Variants in REPS1 observed in about 807,000 individuals in gnomAD.
The protein encoded by REPS1 is ralBP1-associated Eps domain-containing protein 1.
Under a neutral mutation model 100.9 loss-of-function variants are expected in REPS1, and 39 were observed. That is an observed-to-expected ratio of 0.39 (90% CI 0.30 to 0.50). REPS1 has a LOEUF of 0.50. Ranked by LOEUF, REPS1 falls within the 20% of genes least tolerant of loss-of-function variation. The probability of loss-of-function intolerance (pLI) is 0.86; values close to 1 mark genes in which losing one functional copy is unlikely to be tolerated. For synonymous variants in REPS1, 324 were observed against 340.3 expected (o/e 0.95, Z 0.53); for missense variants, 821 against 968.5 (o/e 0.85, Z 2.02).
intron 1 of REPS1, among the ~76,000 whole-genome samples, chr6:138,977,661 T>C (rs1259680163): frequency 2.0e-5 from 3 of 152,266 alleles, no homozygotes; most frequent in Non-Finnish European, 4.4e-5. Context: ...TGATGGATAT[T>C]TGAATTGCTT....
chr6:138,987,394 C>A (rs1395859098), intron 1 of REPS1, 136 bp downstream of exon 1: 5 of 943,294 alleles, frequency 5.3e-6, no homozygotes, highest in African/African-American at 1.7e-5. Flanking sequence ...CGGGCACCTG[C>A]GGCCCCTGCC....
Position 138,943,866 on chromosome 6 carries a change from G to A in REPS1, c.903C>T (p.Asn301=), listed in dbSNP as rs139614969. ...TCAACAACTCACCTGGAATAAATCCGTTTAGATCAGGCTGAATGGTTTTAA... is the reference window on the plus strand; with the variant it reads ...TCAACAACTCACCTGGAATAAATCCATTTAGATCAGGCTGAATGGTTTTAA... The part of the protein sequence containing the change: ...NQFKTIQPDL[N]GFIPGSAAKE... The change falls in exon 6 of 20, where the codon AAC becomes AAT. Residue 301 remains asparagine, a synonymous_variant. Transcript: ENST00000450536. 2.7e-5 allele frequency: 44 copies of A among 1,612,954 alleles called. No homozygotes were observed. In the East Asian group the frequency reaches 3.1e-4, roughly 11 times the overall value.
chr6:138,912,951 C>T lies in REPS1; in HGVS notation c.1786-1G>A. On this transcript the variant is annotated splice_acceptor_variant, in intron 15 of 19. Transcript: ENST00000450536. LOFTEE classifies it high-confidence loss of function. Reference sequence around the variant, plus strand: ...GGCGATGCACAGCAGGACCAGGAGCCTGTGCAATGGTTCAGAACAGAGGAA... The same window carrying T: ...GGCGATGCACAGCAGGACCAGGAGCTTGTGCAATGGTTCAGAACAGAGGAA... 1 of 1,612,214 alleles carries T rather than the reference C, an allele frequency of 6.2e-7. No individual in the cohort carries two copies. The highest frequency in any genetic ancestry group is 8.5e-7 in the Non-Finnish European group (1 of 1,178,890).
At chr6:138,967,347 C>G (rs1163339783) in intron 1 of REPS1, among the ~76,000 whole-genome samples, 5 of 152,150 alleles carry the variant, frequency 3.3e-5, no homozygotes, top group Non-Finnish European at 5.9e-5. Context: ...AAGTGCCAGA[C>G]ATAGATTAGA....
chr6:138,938,900 T>G (rs1044628702), intron 8 of REPS1, among the ~76,000 whole-genome samples: 9 of 151,862 alleles, frequency 5.9e-5, no homozygotes, highest in Non-Finnish European at 1.2e-4. Flanking sequence ...CAGGCTGGAA[T>G]GCAGTGGCGT....
chr6:138,965,153 TAA>T (rs1290687035), intron 1 of REPS1, among the ~76,000 whole-genome samples: 1 of 152,110 alleles, frequency 6.6e-6, no homozygotes, highest in Non-Finnish European at 1.5e-5. Context: ...TACAGGCCAA[TAA>T]ATATTTTACT....
intron 1 of REPS1, among the ~76,000 whole-genome samples, chr6:138,953,073 G>C (rs1783145932): frequency 6.6e-6 from 1 of 152,078 alleles, no homozygotes; most frequent in African/African-American, 2.4e-5. Context: ...CTGACCTCAA[G>C]TGATCTGCCC....
chr6:138,986,535 C>CA (rs1785267195), intron 1 of REPS1, among the ~76,000 whole-genome samples: 1 of 152,174 alleles, frequency 6.6e-6, no homozygotes, highest in South Asian at 2.1e-4. Flanking sequence ...GTCAAGGACC[C>CA]AGCCTTCAAA....
rs1249421332 is a variant in REPS1, at chr6:138,917,577, C to T, written c.1579G>A (p.Gly527Arg). The T allele has an allele frequency of 3.1e-6, 5 of 1,613,482 alleles. No individual in the cohort carries two copies. Among genetic ancestry groups the T allele is most frequent in the Non-Finnish European group, 4.2e-6 (5 of 1,179,614 alleles). Residue 527 changes from glycine to arginine, a missense_variant, in exon 13 of 20, where the codon GGG becomes AGG. Gly to Arg is a moderately radical substitution (Grantham distance 125). Coordinates refer to ENST00000450536, the MANE Select transcript of REPS1 (RefSeq NM_001286611.2). ...GACCTTTGACGAGTTACATTGCTCCCGATCTGTTCTGGGTCAGAAGTAAAA... is the reference window on the plus strand; with the variant it reads ...GACCTTTGACGAGTTACATTGCTCCTGATCTGTTCTGGGTCAGAAGTAAAA... Reference protein sequence around the residue: ...DSFTSDPEQIGSNVTRQRSHS... With the variant: ...DSFTSDPEQIRSNVTRQRSHS...
At chr6:138,981,446 C>T (rs1187997838) in intron 1 of REPS1, among the ~76,000 whole-genome samples, 1 of 152,034 alleles carries the variant, frequency 6.6e-6, no homozygotes, top group Non-Finnish European at 1.5e-5. Flanking sequence ...TAAGGGAAAA[C>T]ATCAGAAATG....
At chr6:138,987,175 A>G (rs1177816043) in intron 1 of REPS1, among the ~76,000 whole-genome samples, 1 of 152,238 alleles carries the variant, frequency 6.6e-6, no homozygotes, top group Non-Finnish European at 1.5e-5. Context: ...ACTCTGCAGG[A>G]TCCGAAAAGC....
At chr6:138,960,956 T>A (rs1783698691) in intron 1 of REPS1, among the ~76,000 whole-genome samples, 1 of 152,188 alleles carries the variant, frequency 6.6e-6, no homozygotes, top group Non-Finnish European at 1.5e-5. Context: ...AAAGCGTGAA[T>A]TTTATCATTA....
chr6:138,982,698 A>T (rs1277127385), intron 1 of REPS1, among the ~76,000 whole-genome samples: 1 of 152,186 alleles, frequency 6.6e-6, no homozygotes, highest in Non-Finnish European at 1.5e-5. Flanking sequence ...TGTGGCATGG[A>T]GCATAATTTT....
chr6:138,941,585 G>A, intron 7 of REPS1, 96 bp from the exon 8 acceptor site: 1 of 1,169,800 alleles, frequency 8.5e-7, no homozygotes. Context: ...ATGAGAAAGT[G>A]CAAGAACTCA....
chr6:138,931,149 G>A (rs1030734540), intron 8 of REPS1, among the ~76,000 whole-genome samples: 2 of 152,148 alleles, frequency 1.3e-5, no homozygotes, highest in East Asian at 3.8e-4. Context: ...CAGCACCTGA[G>A]TTTCTCCATC....
intron 4 of REPS1, 99 bp downstream of exon 4, chr6:138,945,120 C>G: frequency 9.5e-7 from 1 of 1,051,472 alleles, no homozygotes; most frequent in Non-Finnish European, 1.3e-6. Context: ...ATAATCCCCA[C>G]CTACTCAGGA....
intron 13 of REPS1, among the ~76,000 whole-genome samples, chr6:138,916,899 CA>C (rs1207398219): frequency 1.3e-5 from 2 of 152,186 alleles, no homozygotes; most frequent in Non-Finnish European, 2.9e-5. Context: ...CTAAGAAACA[CA>C]GGAAGAACTA....
chr6:138,935,038 T>C (rs1781719567), intron 8 of REPS1, among the ~76,000 whole-genome samples: 1 of 152,232 alleles, frequency 6.6e-6, no homozygotes, highest in Non-Finnish European at 1.5e-5. Context: ...TCTTGAATGA[T>C]ATTATATGCA....
chr6:138,981,184 A>G (rs1784930504), intron 1 of REPS1, among the ~76,000 whole-genome samples: 1 of 152,200 alleles, frequency 6.6e-6, no homozygotes, highest in Non-Finnish European at 1.5e-5. Context: ...CCCAAAAGAG[A>G]CAGACTAATA....
Sources: gnomAD v4.1 joint callset for allele counts (sites outside exome capture counted in the v4.1 genomes callset) on GRCh38, gnomAD v4.1.1 for gene constraint, MANE v1.5 for transcripts, NCBI Gene and HGNC (gene_info 2026-07-23, HGNC 2026-07-21) for gene names.